The following IL1F10 variants were observed in gnomAD, a reference collection of about 807,000 sequenced individuals.
IL1F10 encodes the protein interleukin-1 family member 10.
A neutral mutation model predicts 13.1 loss-of-function variants in IL1F10; 13 were observed. The observed-to-expected ratio is 0.99, with a 90% CI of 0.64 to 1.57. The LOEUF (loss-of-function observed/expected upper bound fraction) is 1.57, where lower values mean the gene tolerates loss of function less well. Ranked by LOEUF, IL1F10 falls within the 40% of genes most tolerant of loss-of-function variation. IL1F10 has a pLI of 0.00. For missense variants in IL1F10, 191 were observed against 184.1 expected, an observed-to-expected ratio of 1.04 and a Z score of -0.22; for synonymous variants, 78 against 68.2, an observed-to-expected ratio of 1.14 and a Z score of -0.71.
intron 1 of IL1F10, among the ~76,000 whole-genome samples, chr2:113,068,921 T>A (rs1685788758): frequency 6.6e-6 from 1 of 152,194 alleles, no homozygotes; most frequent in South Asian, 2.1e-4. Context: ...AACCACATAA[T>A]CTAATCCCAT....
chr2:113,069,141 C>T (rs1283790578), intron 1 of IL1F10, among the ~76,000 whole-genome samples: 4 of 152,110 alleles, frequency 2.6e-5, no homozygotes, highest in Non-Finnish European at 4.4e-5. Flanking sequence ...AATGGGACAC[C>T]TGTGAGTACG....
At chr2:113,072,143 C>T (rs1375166418) in intron 1 of IL1F10, among the ~76,000 whole-genome samples, 2 of 152,182 alleles carry the variant, frequency 1.3e-5, no homozygotes, top group Admixed American at 6.5e-5. Flanking sequence ...GCAGTCTTGG[C>T]CAAGCACTTC....
At chr2:113,068,476 T>C (rs1323423473) in intron 1 of IL1F10, among the ~76,000 whole-genome samples, 2 of 152,138 alleles carry the variant, frequency 1.3e-5, no homozygotes, top group Non-Finnish European at 2.9e-5. Flanking sequence ...TTTACAATCA[T>C]TAGAATTCTG....
chr2:113,072,664 C>A, intron 1 of IL1F10, 47 bp from the exon 2 acceptor site: 1 of 1,374,524 alleles, frequency 7.3e-7, no homozygotes, highest in Non-Finnish European at 1.0e-6. Flanking sequence ...CTGCCTCTGG[C>A]TTCACCCAGC....
chr2:113,070,965 A>G (rs976389088), intron 1 of IL1F10, among the ~76,000 whole-genome samples: 3 of 152,228 alleles, frequency 2.0e-5, no homozygotes, highest in Non-Finnish European at 4.4e-5. Flanking sequence ...GGTGATGCAG[A>G]TGGGCAGGCA....
chr2:113,070,659 G>A (rs913178777), intron 1 of IL1F10, among the ~76,000 whole-genome samples: 1 of 152,166 alleles, frequency 6.6e-6, no homozygotes, highest in African/African-American at 2.4e-5. Flanking sequence ...TATCTGTACT[G>A]GGGGATTGTC....
At chr2:113,075,039 C>A in intron 4 of IL1F10, 113 bp from the exon 5 acceptor site, 1 of 1,263,634 alleles carries the variant, frequency 7.9e-7, no homozygotes. Flanking sequence ...AAGGCAGTCC[C>A]TTGGGTAAAA....
At chr2:113,068,247 A>G (rs1685775612) in intron 1 of IL1F10, among the ~76,000 whole-genome samples, 1 of 152,208 alleles carries the variant, frequency 6.6e-6, no homozygotes, top group Non-Finnish European at 1.5e-5. Flanking sequence ...ACTACTTAGA[A>G]CAACTGACTT....
At chr2:113,072,832 G>GA in intron 2 of IL1F10, 62 bp downstream of exon 2, 1 of 1,447,064 alleles carries the variant, frequency 6.9e-7, no homozygotes, top group Non-Finnish European at 9.7e-7. Flanking sequence ...AAGAGGAAAG[G>GA]AATGCTGAGT....
At position 113,074,720 on chromosome 2, in the gene IL1F10, T is replaced by C. The variant is rs750288345; in HGVS notation, c.119-3T>C. 31 of 1,613,298 alleles carry C rather than the reference T, an allele frequency of 1.9e-5. No homozygotes were observed. The highest frequency in any genetic ancestry group is 2.5e-5 in the Non-Finnish European group (29 of 1,179,264). ...CTTGACTCTTCTCTCTCTTCCCTCCTAGAGAAGATCTGCATACTTCCTAAC... is the reference window on the plus strand; with the variant it reads ...CTTGACTCTTCTCTCTCTTCCCTCCCAGAGAAGATCTGCATACTTCCTAAC... On this transcript the variant is annotated splice_region_variant and splice_polypyrimidine_tract_variant and intron_variant, in intron 3 of 4. Transcript: ENST00000341010.
intron 2 of IL1F10, among the ~76,000 whole-genome samples, chr2:113,074,105 G>T (rs1434193134): frequency 1.3e-5 from 2 of 152,170 alleles, no homozygotes; most frequent in Non-Finnish European, 2.9e-5. Context: ...GAGAAGGCAG[G>T]AAGCACAGCC....
rs115853107 is a variant in IL1F10, at chr2:113,074,576, A to C, written c.119-147A>C. The C allele has an allele frequency of 9.3e-3, 10,706 of 1,154,394 alleles. 87 individuals carry two copies. The highest frequency in any genetic ancestry group is 0.012 in the Admixed American group (710 of 59,434). The allele number at this position is 1,154,394 out of a possible 1,614,324, so 71.5% of individuals were successfully genotyped here. ...CCTAGCGAGGGGACATGACTCCTGC[A>C]GAAGTCCTGGCTCACCGTCCAGTCT... On this transcript the variant is annotated intron_variant, in intron 3 of 4. Transcript: ENST00000341010.
At chr2:113,069,401 T>G (rs1449376174) in intron 1 of IL1F10, among the ~76,000 whole-genome samples, 1 of 152,196 alleles carries the variant, frequency 6.6e-6, no homozygotes. Flanking sequence ...TAATGGCAAT[T>G]AAAAACACAA....
chr2:113,074,231 A>G (rs1573248695), intron 2 of IL1F10, 98 bp from the exon 3 acceptor site: 1 of 774,734 alleles, frequency 1.3e-6, no homozygotes, highest in East Asian at 2.6e-5. Context: ...AAATCGCCCA[A>G]ATGCTCAAGG....
intron 1 of IL1F10, 115 bp from the exon 2 acceptor site, chr2:113,072,596 C>T (rs3811050): frequency 0.18 from 117,648 of 662,056 alleles, 11,588 homozygotes; most frequent in Admixed American, 0.31. Context: ...CAATTATAGA[C>T]GAATGGCCTG....
chr2:113,073,845 A>C (rs1286676272), intron 2 of IL1F10, among the ~76,000 whole-genome samples: 1 of 152,216 alleles, frequency 6.6e-6, no homozygotes, highest in Non-Finnish European at 1.5e-5. Context: ...AATACCCTGC[A>C]TGACTTTGAA....
chr2:113,074,736 A>C lies in IL1F10; in HGVS notation c.132A>C (p.Ile44=), dbSNP rs1448186199. Residue 44 remains isoleucine, a synonymous_variant, in exon 4 of 5, where the codon ATA becomes ATC. Coordinates refer to ENST00000341010, the MANE Select transcript of IL1F10 (RefSeq NM_173161.3). ...CTTCCCTCCTAGAGAAGATCTGCAT[A>C]CTTCCTAACAGAGGCTTGGCCCGCA... ...ADNCCAEKIC[I]LPNRGLARTK... 1 of 1,613,564 alleles carries C rather than the reference A, an allele frequency of 6.2e-7. No individual in the cohort carries two copies. Among genetic ancestry groups the C allele is most frequent in the South Asian group, 1.1e-5 (1 of 91,052 alleles).
At chr2:113,070,876 G>A (rs746892531) in intron 1 of IL1F10, among the ~76,000 whole-genome samples, 1 of 152,188 alleles carries the variant, frequency 6.6e-6, no homozygotes, top group Non-Finnish European at 1.5e-5. Flanking sequence ...AAGCAGCATG[G>A]CTGATTGCTG....
At chr2:113,075,042 G>A (rs1489226557) in intron 4 of IL1F10, 110 bp from the exon 5 acceptor site, 1 of 1,259,478 alleles carries the variant, frequency 7.9e-7, no homozygotes, top group Non-Finnish European at 1.1e-6. Flanking sequence ...GCAGTCCCTT[G>A]GGTAAAAACC....
Sources: allele counts gnomAD v4.1 joint callset (sites outside exome capture counted in the v4.1 genomes callset), GRCh38; gene constraint gnomAD v4.1.1; transcripts MANE v1.5; gene names NCBI Gene and HGNC (gene_info 2026-07-23, HGNC 2026-07-21).